CDKN2B-AS1: variants seen among roughly 807,000 people sequenced by gnomAD.
The protein encoded by CDKN2B-AS1 is CDKN2B antisense RNA 1 (non-protein coding).
At chr9:22,023,789 A>G (rs886673150) in intron 1 of CDKN2B-AS1, among the ~76,000 whole-genome samples, 3 of 152,182 alleles carry the variant, frequency 2.0e-5, no homozygotes, top group Non-Finnish European at 2.9e-5. Context: ...CTATCAAGTC[A>G]GTTACATTCT....
intron 1 of CDKN2B-AS1, among the ~76,000 whole-genome samples, chr9:22,018,814 A>C (rs1268042522): frequency 6.6e-6 from 1 of 152,170 alleles, no homozygotes; most frequent in Non-Finnish European, 1.5e-5. Context: ...TTACTCATCC[A>C]CTCAAAATAT....
At chr9:22,038,115 T>C (rs1017427219) in intron 1 of CDKN2B-AS1, among the ~76,000 whole-genome samples, 1 of 152,004 alleles carries the variant, frequency 6.6e-6, no homozygotes, top group Admixed American at 6.6e-5. Flanking sequence ...AGCTTAAAGA[T>C]ACAAAACTGA....
chr9:22,056,049 C>CTTT (rs752585465), intron 3 of CDKN2B-AS1, among the ~76,000 whole-genome samples: 1 of 138,358 alleles, frequency 7.2e-6, no homozygotes, highest in Non-Finnish European at 1.6e-5. Flanking sequence ...ATTTTTTTTT[C>CTTT]TTTTTTTTTT....
chr9:22,077,563 A>G (rs759470051), intron 4 of CDKN2B-AS1: 1 of 152,182 alleles, frequency 6.6e-6, no homozygotes, highest in Non-Finnish European at 1.5e-5. Context: ...TCCATTAGCC[A>G]TGGTTCAGGA....
intron 2 of CDKN2B-AS1, among the ~76,000 whole-genome samples, chr9:22,048,681 T>C (rs1053235893): frequency 6.6e-6 from 1 of 152,078 alleles, no homozygotes; most frequent in Non-Finnish European, 1.5e-5. Context: ...GTACAACAAA[T>C]GAGTGAAATT....
At chr9:22,120,447 A>G (rs1826068355) in intron 4 of CDKN2B-AS1, 1 of 152,218 alleles carries the variant, frequency 6.6e-6, no homozygotes, top group African/African-American at 2.4e-5. Flanking sequence ...CTCCAGGATT[A>G]TATGGTATTA....
chr9:22,008,730 C>A (rs770343149), intron 1 of CDKN2B-AS1: 1 of 1,610,884 alleles, frequency 6.2e-7, no homozygotes, highest in South Asian at 1.1e-5. Flanking sequence ...GGTTCCAGCC[C>A]CGATCCGCCG....
chr9:22,124,145 C>A (rs112969465), intron 4 of CDKN2B-AS1, among the ~76,000 whole-genome samples: 2,417 of 152,152 alleles, frequency 0.016, 66 homozygotes, highest in African/African-American at 0.056. Flanking sequence ...ATATATATTT[C>A]ATTTATAAAA....
At chr9:22,007,144 G>A (rs551555961) in intron 1 of CDKN2B-AS1, among the ~76,000 whole-genome samples, 29 of 152,234 alleles carry the variant, frequency 1.9e-4, no homozygotes, top group African/African-American at 5.8e-4. Context: ...CAGATCACCT[G>A]AGGTCAGGAG....
At chr9:22,026,688 A>G (rs1490919569) in intron 1 of CDKN2B-AS1, among the ~76,000 whole-genome samples, 2 of 152,076 alleles carry the variant, frequency 1.3e-5, no homozygotes, top group African/African-American at 4.8e-5. Flanking sequence ...CTCCTGGGGT[A>G]TGTTTGGGGG....
chr9:22,035,773 A>G (rs1300199175), intron 1 of CDKN2B-AS1, among the ~76,000 whole-genome samples: 1 of 152,170 alleles, frequency 6.6e-6, no homozygotes, highest in Non-Finnish European at 1.5e-5. Flanking sequence ...TTTGCCTGAT[A>G]GAAGTCAGAC....
chr9:22,101,419 A>G (rs1462269204), intron 4 of CDKN2B-AS1, among the ~76,000 whole-genome samples: 1 of 152,220 alleles, frequency 6.6e-6, no homozygotes, highest in Non-Finnish European at 1.5e-5. Context: ...AAATGGCCAC[A>G]GAAGTAACAA....
chr9:22,027,724 G>A (rs1228274204), intron 1 of CDKN2B-AS1, among the ~76,000 whole-genome samples: 1 of 152,152 alleles, frequency 6.6e-6, no homozygotes, highest in African/African-American at 2.4e-5. Context: ...CCGTGACAAA[G>A]AGTAAAAGAT....
At chr9:22,049,371 C>G (rs180787819) in intron 3 of CDKN2B-AS1, 1 of 152,316 alleles carries the variant, frequency 6.6e-6, no homozygotes, top group Admixed American at 6.5e-5. Flanking sequence ...CTACTCTGTC[C>G]AAACACAAGC....
chr9:22,019,976 T>A (rs893910556), intron 1 of CDKN2B-AS1, among the ~76,000 whole-genome samples: 7 of 152,150 alleles, frequency 4.6e-5, no homozygotes, highest in African/African-American at 1.4e-4. Flanking sequence ...AGGTATTAAG[T>A]CTAGTACTTG....
intron 4 of CDKN2B-AS1, among the ~76,000 whole-genome samples, chr9:22,124,336 A>G (rs1028192713): frequency 6.6e-6 from 1 of 152,242 alleles, no homozygotes; most frequent in African/African-American, 2.4e-5. Context: ...CAAAGTTTCA[A>G]GAAATTAAAA....
intron 4 of CDKN2B-AS1, among the ~76,000 whole-genome samples, chr9:22,102,390 T>C (rs1208193724): frequency 1.3e-5 from 2 of 152,214 alleles, no homozygotes; most frequent in Admixed American, 1.3e-4. Flanking sequence ...TATCACAAAC[T>C]TGATGGCTTT....
intron 4 of CDKN2B-AS1, among the ~76,000 whole-genome samples, chr9:22,097,680 A>G (rs1328307121): frequency 1.3e-5 from 2 of 152,198 alleles, no homozygotes; most frequent in Non-Finnish European, 2.9e-5. Context: ...ATTGTCCTTT[A>G]AAGGTGAAGG....
At chr9:22,010,327 A>T (rs1195368536) in intron 1 of CDKN2B-AS1, among the ~76,000 whole-genome samples, 2 of 152,188 alleles carry the variant, frequency 1.3e-5, no homozygotes, top group Non-Finnish European at 2.9e-5. Context: ...GCTACATTGG[A>T]TAGGAAGAGA....
Sources: allele counts gnomAD v4.1 joint callset (sites outside exome capture counted in the v4.1 genomes callset), GRCh38; gene constraint gnomAD v4.1.1; transcripts MANE v1.5; gene names NCBI Gene and HGNC (gene_info 2026-07-23, HGNC 2026-07-21).